GALNT2: variants seen among roughly 807,000 people sequenced by gnomAD.
GALNT2 encodes the protein polypeptide N-acetylgalactosaminyltransferase 2.
GALNT2 carries 31 observed loss-of-function variants against 81.4 expected under a neutral mutation model. That is an observed-to-expected ratio of 0.38 (90% CI 0.29 to 0.51). The LOEUF (loss-of-function observed/expected upper bound fraction) is 0.51. Among genes scored for constraint, GALNT2 ranks in the 20% least tolerant of loss-of-function variants. The pLI is 0.87. For synonymous variants in GALNT2, 303 were observed against 287.4 expected (o/e 1.05, Z -0.55); for missense variants, 629 against 765.7 (o/e 0.82, Z 2.11).
At chr1:230,077,277 C>A (rs1659593175) in intron 1 of GALNT2, among the ~76,000 whole-genome samples, 1 of 152,202 alleles carries the variant, frequency 6.6e-6, no homozygotes. Context: ...GCCGCACTCT[C>A]CTTCCCCTCC....
intron 3 of GALNT2, among the ~76,000 whole-genome samples, chr1:230,217,210 G>A (rs377240725): frequency 1.8e-4 from 27 of 152,298 alleles, no homozygotes; most frequent in African/African-American, 6.5e-4. Context: ...AAAAAGCGGT[G>A]GAGGTTAGGA....
chr1:230,063,213 A>G (rs1358830050), upstream of GALNT2, among the ~76,000 whole-genome samples: 1 of 151,490 alleles, frequency 6.6e-6, no homozygotes, highest in Admixed American at 6.6e-5. Flanking sequence ...TAGGAGTCTG[A>G]GGCAGGAGAA....
At position 230,279,443 on chromosome 1, in the gene GALNT2, C is replaced by T. The variant is rs143668024; in HGVS notation, c.1701C>T (p.Leu567=). Residue 567 remains leucine, a synonymous_variant, in exon 16 of 16, where the codon CTC becomes CTT. Transcript: ENST00000366672. The surrounding 1 kb of genome is among the most constrained non-coding windows in gnomAD (Gnocchi z 4.6). ...TTTCGCAGCAGTGGAAGTTCACGCT[C>T]AACCTGCAGCAGTAGGAGGGTCCGG... ...PALSQQWKFT[L]NLQQ 169 of 1,613,998 alleles carry T rather than the reference C, an allele frequency of 1.0e-4. 1 individual carries two copies. The African/African-American group carries it at 1.9e-3, about 18-fold the overall frequency.
At position 230,265,288 on chromosome 1, in the gene GALNT2, C is replaced by T. The variant is rs764166270; in HGVS notation, c.1361C>T (p.Thr454Ile). The T allele has an allele frequency of 6.2e-7, 1 of 1,614,220 alleles. No individual in the cohort carries two copies. Among genetic ancestry groups the T allele is most frequent in the East Asian group, 2.2e-5 (1 of 44,886 alleles). ...DIAFGALQQG[T>I]NCLDTLGHFA... Reference sequence around the variant, plus strand: ...GCTTTTGGGGCCTTGCAGCAGGGAACTAACTGCCTCGACACTTTGGGACAC... The same window carrying T: ...GCTTTTGGGGCCTTGCAGCAGGGAATTAACTGCCTCGACACTTTGGGACAC... Residue 454 changes from threonine (T) to isoleucine (I), a missense_variant, in exon 14 of 16, where the codon ACT becomes ATT. Thr to Ile is a moderately conservative substitution (Grantham distance 89). Transcript: ENST00000366672.
intron 1 of GALNT2, among the ~76,000 whole-genome samples, chr1:230,172,336 C>A (rs141106352): frequency 4.1e-4 from 63 of 152,298 alleles, no homozygotes; most frequent in Non-Finnish European, 8.4e-4. Flanking sequence ...AGTTACCCAT[C>A]TTGGAAGCAG....
chr1:230,278,985 C>A lies in GALNT2; in HGVS notation c.1561-318C>A, dbSNP rs571951646. Among the ~76,000 whole-genome samples, 195 of 152,288 alleles carry A rather than the reference C, an allele frequency of 1.3e-3. 1 individual carries two copies. Among genetic ancestry groups the A allele is most frequent in the Non-Finnish European group, 2.3e-3 (154 of 68,032 alleles). ...GCATGCAAATTCCCCTACATCAAAT[C>A]CTGTGTTAATGACGAAGGGGTGGGT... On this transcript the variant is annotated intron_variant, in intron 15 of 15. Transcript: ENST00000366672.
chr1:230,252,493 C>T (rs542006783), intron 10 of GALNT2, among the ~76,000 whole-genome samples: 11 of 152,270 alleles, frequency 7.2e-5, no homozygotes, highest in East Asian at 3.9e-4. Flanking sequence ...CTAAGTACTT[C>T]CAGGGAATCA....
intron 1 of GALNT2, among the ~76,000 whole-genome samples, chr1:230,158,392 A>G (rs1049391516): frequency 6.6e-6 from 1 of 152,332 alleles, no homozygotes; most frequent in East Asian, 1.9e-4. Context: ...TTTCTCAGAG[A>G]TGGGGAAACT....
At chr1:230,237,959 A>G (rs948690815) in intron 6 of GALNT2, among the ~76,000 whole-genome samples, 2 of 152,324 alleles carry the variant, frequency 1.3e-5, no homozygotes, top group African/African-American at 2.4e-5. Context: ...AGAAATCAGA[A>G]CAATGCTTCT....
chr1:230,167,193 T>C (rs1370149156), intron 1 of GALNT2, among the ~76,000 whole-genome samples: 1 of 152,086 alleles, frequency 6.6e-6, no homozygotes, highest in Admixed American at 6.5e-5. Context: ...TTGCCCAGGC[T>C]GGAGTGCGAT....
intron 2 of GALNT2, among the ~76,000 whole-genome samples, chr1:230,180,791 T>G (rs1249482775): frequency 1.3e-5 from 2 of 152,220 alleles, no homozygotes; most frequent in African/African-American, 4.8e-5. Flanking sequence ...TTATCAGAAT[T>G]TTGTAGTTTT....
chr1:230,091,798 C>G (rs1045840888), intron 1 of GALNT2: 2 of 152,538 alleles, frequency 1.3e-5, no homozygotes, highest in Non-Finnish European at 2.9e-5. Context: ...CAGCCAGCCT[C>G]ATCGTCCACA....
intron 2 of GALNT2, among the ~76,000 whole-genome samples, chr1:230,195,065 TG>T (rs1257289525): frequency 1.3e-5 from 2 of 152,230 alleles, no homozygotes. Flanking sequence ...AGAAGGGTAT[TG>T]AAGTCTGAGT....
At chr1:230,255,601 C>T (rs1665687534) in intron 11 of GALNT2, among the ~76,000 whole-genome samples, 1 of 152,136 alleles carries the variant, frequency 6.6e-6, no homozygotes, top group South Asian at 2.1e-4. Flanking sequence ...AAAAACACAG[C>T]TTTAGGGATG....
At chr1:230,226,493 A>G (rs895385373) in intron 3 of GALNT2, among the ~76,000 whole-genome samples, 2 of 152,236 alleles carry the variant, frequency 1.3e-5, no homozygotes, top group African/African-American at 2.4e-5. Flanking sequence ...TAACGCCCCC[A>G]CAGGCTCTCT....
At chr1:230,187,456 G>A (rs1436880064) in intron 2 of GALNT2, among the ~76,000 whole-genome samples, 1 of 152,134 alleles carries the variant, frequency 6.6e-6, no homozygotes, top group East Asian at 1.9e-4. Flanking sequence ...GTGCTTTTGG[G>A]CATCGGCAGG....
intron 1 of GALNT2, among the ~76,000 whole-genome samples, chr1:230,060,685 C>T (rs991267242): frequency 1.3e-5 from 2 of 152,194 alleles, no homozygotes; most frequent in Non-Finnish European, 2.9e-5. Context: ...CCAAACAAAC[C>T]TTTACTGCGA....
At chr1:230,090,330 G>A (rs1177027098) in intron 1 of GALNT2, among the ~76,000 whole-genome samples, 1 of 152,156 alleles carries the variant, frequency 6.6e-6, no homozygotes, top group Non-Finnish European at 1.5e-5. Context: ...ATCTTCTGGG[G>A]GAAAATAAAC....
intron 1 of GALNT2, among the ~76,000 whole-genome samples, chr1:230,127,383 A>T (rs913408860): frequency 2.0e-5 from 3 of 148,684 alleles, no homozygotes; most frequent in Non-Finnish European, 3.0e-5. Flanking sequence ...TTATGAATAG[A>T]TTTTTTTTTT....
Sources: gnomAD v4.1 joint callset for allele counts (sites outside exome capture counted in the v4.1 genomes callset) on GRCh38, gnomAD v4.1.1 for gene constraint, Gnocchi (gnomAD v3.1) non-coding constraint, MANE v1.5 for transcripts, NCBI Gene and HGNC (gene_info 2026-07-23, HGNC 2026-07-21) for gene names.